Variants in TCOF1 observed in about 807,000 individuals in gnomAD.
TCOF1 encodes treacle ribosome biogenesis factor 1.
TCOF1 carries 33 observed loss-of-function variants against 149.0 expected under a neutral mutation model. That is an observed-to-expected ratio of 0.22 (90% confidence interval 0.17 to 0.30). The LOEUF (loss-of-function observed/expected upper bound fraction) is 0.30, where lower values mean the gene tolerates loss of function less well. Among genes scored for constraint, TCOF1 ranks in the 10% least tolerant of loss-of-function variants. TCOF1 has a pLI of 1.00. For synonymous variants in TCOF1, 789 were observed against 738.8 expected (o/e 1.07, Z -1.10); for missense variants, 1,728 against 1,840.7 (o/e 0.94, Z 1.12).
chr5:150,379,677 G>A lies in TCOF1; in HGVS notation c.2804G>A (p.Ser935Asn). The change falls in exon 17 of 27, where the codon AGC becomes AAC. Residue 935 changes from serine to asparagine, a missense_variant. Physicochemically the swap from Ser to Asn is conservative, Grantham distance 46 (BLOSUM62 1). This residue lies in a region of TCOF1 where 1,696 missense variants were observed against 1,765.4 expected (regional missense o/e 0.96). Coordinates refer to ENST00000643257, the MANE Select transcript of TCOF1 (RefSeq NM_001371623.1). The stretch of plus-strand genomic sequence containing the variant: ...GGGAAGCAGGATGACTCAGGGAGCA[G>A]CAGCGAGGAATCAGACAGTGATGGG... ...QAGKQDDSGS[S>N]SEESDSDGEA... 1 of 1,614,218 alleles carries A rather than the reference G, an allele frequency of 6.2e-7. No individual in the cohort carries two copies. Among genetic ancestry groups the A allele is most frequent in the South Asian group, 1.1e-5 (1 of 91,090 alleles).
chr5:150,398,954 A>G, intron 25 of TCOF1, 68 bp from the exon 26 acceptor site: 1 of 1,611,072 alleles, frequency 6.2e-7, no homozygotes, highest in African/African-American at 1.3e-5. Context: ...AGTCCTCAGG[A>G]GGTGGGGGCA....
Position 150,376,549 on chromosome 5 carries a change from G to A in TCOF1, c.2269G>A (p.Glu757Lys). ...GCCTACAGTCACCCAGGTGAAAGCT[G>A]AAAAGCAGGAAGACTCTGAGAGCAG... ...TGPTVTQVKAEKQEDSESSEE... is the reference protein window; with the variant it reads ...TGPTVTQVKAKKQEDSESSEE... Residue 757 changes from glutamate to lysine, a missense_variant, in exon 14 of 27, where the codon GAA becomes AAA. By Grantham distance (56) the Glu-to-Lys change is moderately conservative. This residue lies in a region of TCOF1 where 1,696 missense variants were observed against 1,765.4 expected (regional missense o/e 0.96). Transcript: ENST00000643257. 1 of 1,604,894 alleles carries A rather than the reference G, an allele frequency of 6.2e-7. No homozygotes were observed. The highest frequency in any genetic ancestry group is 8.5e-7 in the Non-Finnish European group (1 of 1,175,434).
Position 150,374,814 on chromosome 5 carries a change from G to T in TCOF1, c.1278+3G>T. 1 of 1,607,362 alleles carries T rather than the reference G, an allele frequency of 6.2e-7. No individual in the cohort carries two copies. Among genetic ancestry groups the T allele is most frequent in the South Asian group, 1.1e-5 (1 of 90,586 alleles). On this transcript the variant is annotated splice_donor_region_variant and intron_variant, in intron 9 of 26. Coordinates refer to ENST00000643257, the MANE Select transcript of TCOF1 (RefSeq NM_001371623.1). ...GTGAGGAGGAGGCGCCTGCTCAGGT[G>T]AGGCAGAGGGGAGGGGTGGAGAGTA...
At chr5:150,399,206 A>C in intron 26 of TCOF1, 136 bp downstream of exon 26, 1 of 1,244,972 alleles carries the variant, frequency 8.0e-7, no homozygotes, top group Non-Finnish European at 1.2e-6. Flanking sequence ...TTCTGTTGCC[A>C]AGGGTCCATG....
chr5:150,399,381 G>T (rs1464264775), intron 26 of TCOF1, among the ~76,000 whole-genome samples: 1 of 152,154 alleles, frequency 6.6e-6, no homozygotes, highest in African/African-American at 2.4e-5. Flanking sequence ...ATACAGCTTG[G>T]TTCCTCCTTC....
chr5:150,369,029 T>C, intron 5 of TCOF1, 127 bp downstream of exon 5: 1 of 1,264,230 alleles, frequency 7.9e-7, no homozygotes. Context: ...GCCAGGTTCC[T>C]GCATCTTAGG....
At chr5:150,383,723 C>A (rs1198478197) in intron 17 of TCOF1, 5 of 1,551,630 alleles carry the variant, frequency 3.2e-6, no homozygotes, top group South Asian at 1.2e-5. Context: ...CTGTATCTCT[C>A]TGTTTTCTGT....
chr5:150,379,978 A>G (rs1034340989), intron 17 of TCOF1: 8 of 460,916 alleles, frequency 1.7e-5, no homozygotes, highest in African/African-American at 1.2e-4. Flanking sequence ...AGGCTGAGGC[A>G]GGAGAATCCC....
intron 1 of TCOF1, among the ~76,000 whole-genome samples, 189 bp downstream of exon 1, chr5:150,358,043 G>A (rs1043173239): frequency 6.6e-6 from 1 of 152,218 alleles, no homozygotes; most frequent in Non-Finnish European, 1.5e-5. Context: ...AGTTCCCCTG[G>A]GCCTCACTTT....
At position 150,390,041 on chromosome 5, in the gene TCOF1, G is replaced by A. The variant is rs999428106; in HGVS notation, c.3183+18G>A. On this transcript the variant is annotated intron_variant, in intron 19 of 26. Coordinates refer to ENST00000643257, the MANE Select transcript of TCOF1 (RefSeq NM_001371623.1). ...CCACTCAGGTACCTGGTGGGCAAGG[G>A]AGGGTAATGCAGGCCAGTGGGGTGG... 3 of 1,596,686 alleles carry A rather than the reference G, an allele frequency of 1.9e-6. No individual in the cohort carries two copies. In the Admixed American group the frequency reaches 5.3e-5, roughly 28 times the overall value.
intron 5 of TCOF1, 110 bp downstream of exon 5, chr5:150,369,012 C>T: frequency 7.3e-7 from 1 of 1,368,344 alleles, no homozygotes; most frequent in South Asian, 1.2e-5. Context: ...AGTTTGTCTC[C>T]AGGACAGCCA....
rs1761941766 is a variant in TCOF1 at position 150,368,914 on chromosome 5, C to T, written c.565+12C>T. The stretch of plus-strand genomic sequence containing the variant: ...TGCTGCCAAGCCTGGTAAGAAGTCC[C>T]CACCTCTAGGAACCTAGTCCCCAGA... On this transcript the variant is annotated intron_variant, in intron 5 of 26. Coordinates refer to ENST00000643257, the MANE Select transcript of TCOF1 (RefSeq NM_001371623.1). 6.2e-7 allele frequency: 1 copy of T among 1,613,172 alleles called. No homozygotes were observed. Among genetic ancestry groups the T allele is most frequent in the Admixed American group, 1.7e-5 (1 of 60,004 alleles).
intron 24 of TCOF1, among the ~76,000 whole-genome samples, chr5:150,397,225 C>A (rs1453102313): frequency 2.0e-5 from 3 of 150,572 alleles, no homozygotes; most frequent in Non-Finnish European, 4.4e-5. Context: ...TGGCAAAGCC[C>A]GAACTCGATT....
chr5:150,367,985 A>T, intron 4 of TCOF1, 68 bp downstream of exon 4: 1 of 1,557,992 alleles, frequency 6.4e-7, no homozygotes, highest in South Asian at 1.1e-5. Flanking sequence ...ACAGTCTTAC[A>T]TGTCAGAGAA....
chr5:150,391,172 A>G (rs2151026495), intron 19 of TCOF1, among the ~76,000 whole-genome samples: 1 of 152,280 alleles, frequency 6.6e-6, no homozygotes, highest in South Asian at 2.1e-4. Context: ...CCGTGGCAAG[A>G]GCCACGCCAC....
chr5:150,374,708 G>T lies in TCOF1; in HGVS notation c.1175G>T (p.Gly392Val), dbSNP rs764508712. Residue 392 changes from glycine (G) to valine (V), a missense_variant, in exon 9 of 27, where the codon GGG (glycine) becomes GTG (valine). By Grantham distance (109) the Gly-to-Val change is moderately radical. Transcript: ENST00000643257. ...PRKGAAPAPP[G>V]KTGPAVAKAQ... ...AAAGGAGCTGCCCCAGCGCCCCCTG[G>T]GAAGACAGGGCCTGCAGTTGCCAAG... 1.2e-6 allele frequency: 2 copies of T among 1,613,496 alleles called. No homozygotes were observed. The highest frequency in any genetic ancestry group is 1.7e-6 in the Non-Finnish European group (2 of 1,179,866).
intron 5 of TCOF1, 122 bp downstream of exon 5, chr5:150,369,024 G>T (rs1761964175): frequency 3.9e-6 from 5 of 1,298,668 alleles, no homozygotes; most frequent in East Asian, 2.4e-5. Context: ...GGACAGCCAG[G>T]TTCCTGCATC....
rs950379681 is a variant in TCOF1 at position 150,378,818 on chromosome 5, G to A, written c.2341-87G>A. ...CATGGAGGAGCCAGAATCCAGACTC[G>A]GGCTCCAGCTCCAGAGTCTGTATTC... On this transcript the variant is annotated intron_variant, in intron 14 of 26. Transcript: ENST00000643257. 1.3e-5 allele frequency: 20 copies of A among 1,587,866 alleles called. No individual in the cohort carries two copies. In the East Asian group the frequency reaches 2.5e-4, roughly 20 times the overall value.
At chr5:150,377,508 A>ATT in intron 14 of TCOF1, among the ~76,000 whole-genome samples, 1 of 152,154 alleles carries the variant, frequency 6.6e-6, no homozygotes, top group East Asian at 1.9e-4. Context: ...ACTGTTTATT[A>ATT]TTTTTAATTG....
Sources: gnomAD v4.1 joint callset for allele counts (sites outside exome capture counted in the v4.1 genomes callset) on GRCh38, gnomAD v4.1.1 for gene constraint, gnomAD v4.1.1 regional missense constraint, MANE v1.5 for transcripts, NCBI Gene and HGNC (gene_info 2026-07-23, HGNC 2026-07-21) for gene names.